The following RABGAP1L variants were observed in gnomAD, a reference collection of about 807,000 sequenced individuals.
RABGAP1L encodes the protein rab GTPase-activating protein 1-like.
Under a neutral mutation model 137.7 loss-of-function variants are expected in RABGAP1L, and 63 were observed. The observed-to-expected ratio is 0.46, with a 90% confidence interval of 0.37 to 0.56. RABGAP1L has a LOEUF of 0.56. Ranked by LOEUF, RABGAP1L falls within the 20% of genes least tolerant of loss-of-function variation. The pLI is 0.00. For synonymous variants in RABGAP1L, 431 were observed against 433.7 expected, an observed-to-expected ratio of 0.99 and a Z score of 0.08; for missense variants, 1,095 against 1,244.0, an observed-to-expected ratio of 0.88 and a Z score of 1.80.
At chr1:174,642,216 A>G (rs1478857930) in intron 14 of RABGAP1L, among the ~76,000 whole-genome samples, 1 of 152,214 alleles carries the variant, frequency 6.6e-6, no homozygotes, top group Admixed American at 6.5e-5. Flanking sequence ...AATATATTAT[A>G]CAGAGATTAA....
At chr1:174,372,698 T>G (rs74128374) in intron 12 of RABGAP1L, among the ~76,000 whole-genome samples, 5,621 of 151,458 alleles carry the variant, frequency 0.037, 140 homozygotes, top group Middle Eastern at 0.089. Flanking sequence ...AGTGTTGTTG[T>G]TTTTTTTTAT....
At chr1:174,305,621 A>G (rs2148772822) in intron 11 of RABGAP1L, among the ~76,000 whole-genome samples, 1 of 152,090 alleles carries the variant, frequency 6.6e-6, no homozygotes, top group South Asian at 2.1e-4. Flanking sequence ...CCTGACCTCA[A>G]GTAATCTGCC....
At chr1:174,176,555 C>T (rs956864514) in intron 1 of RABGAP1L, among the ~76,000 whole-genome samples, 1 of 150,496 alleles carries the variant, frequency 6.6e-6, no homozygotes, top group Non-Finnish European at 1.5e-5. Flanking sequence ...ACCAAAAATA[C>T]AAAAAACTTA....
At chr1:174,241,456 A>G (rs1368444315) in intron 4 of RABGAP1L, 27 bp from the exon 5 acceptor site, 2 of 1,410,180 alleles carry the variant, frequency 1.4e-6, no homozygotes, top group South Asian at 1.6e-5. Flanking sequence ...TTAATATTTT[A>G]TCTAACTTTT....
intron 13 of RABGAP1L, among the ~76,000 whole-genome samples, chr1:174,572,796 A>G: frequency 6.6e-6 from 1 of 152,192 alleles, no homozygotes; most frequent in South Asian, 2.1e-4. Flanking sequence ...AACTTGCTCT[A>G]CTACTTTGGC....
At chr1:174,191,823 A>G (rs1371909145) in intron 1 of RABGAP1L, among the ~76,000 whole-genome samples, 2 of 152,208 alleles carry the variant, frequency 1.3e-5, no homozygotes, top group African/African-American at 2.4e-5. Flanking sequence ...AGACACACTG[A>G]CTCAGGAACA....
chr1:174,982,083 G>A (rs996530524), intron 23 of RABGAP1L, among the ~76,000 whole-genome samples: 1 of 152,108 alleles, frequency 6.6e-6, no homozygotes, highest in African/African-American at 2.4e-5. Context: ...TACTTAATAA[G>A]AGTTTTAGTC....
chr1:174,482,884 T>C (rs1659256962), intron 13 of RABGAP1L, among the ~76,000 whole-genome samples: 1 of 152,178 alleles, frequency 6.6e-6, no homozygotes, highest in African/African-American at 2.4e-5. Flanking sequence ...TGCTACATAG[T>C]AGAAGCTCAA....
chr1:174,801,504 A>G (rs1326698018), intron 18 of RABGAP1L, among the ~76,000 whole-genome samples: 1 of 152,220 alleles, frequency 6.6e-6, no homozygotes, highest in Non-Finnish European at 1.5e-5. Context: ...CTGTACAATC[A>G]TAACAGACAT....
In RABGAP1L at chr1:174,824,161, G is replaced by A. The variant is rs566862693; in HGVS notation, c.2340+12201G>A. 8.5e-5 allele frequency among the ~76,000 whole-genome samples: 13 copies of A among 152,156 alleles called. No homozygotes were observed. The East Asian group carries it at 1.7e-3, about 20-fold the overall frequency. ...AAAACTTAGCCAGGTGTGGTGACAC[G>A]TGCCTGTAATCCCAGCTACTAGGGA... On this transcript the variant is annotated intron_variant, in intron 19 of 25. Transcript: ENST00000681986.
intron 19 of RABGAP1L, chr1:174,935,469 A>G (rs1311188896): frequency 6.6e-6 from 1 of 152,248 alleles, no homozygotes; most frequent in Non-Finnish European, 1.5e-5. Flanking sequence ...GTTCTTATAA[A>G]TAATCCTTTG....
At chr1:174,725,562 T>C (rs1232391985) in intron 17 of RABGAP1L, among the ~76,000 whole-genome samples, 1 of 152,230 alleles carries the variant, frequency 6.6e-6, no homozygotes, top group Non-Finnish European at 1.5e-5. Flanking sequence ...ACTTTACTTT[T>C]TATTTTCATT....
intron 7 of RABGAP1L, among the ~76,000 whole-genome samples, chr1:174,252,983 A>G (rs1672836133): frequency 1.3e-5 from 2 of 152,362 alleles, no homozygotes; most frequent in Admixed American, 1.3e-4. Flanking sequence ...ACATACACAT[A>G]TACTTGTGTG....
rs149890797 is a variant in RABGAP1L at position 174,992,495 on chromosome 1, G to A, written c.*2494G>A. The stretch of plus-strand genomic sequence containing the variant: ...CAAGTTTGATAAGTCCATCTTTTGA[G>A]TTTTCTTTTAGCTCTTTCAAAAGAT... On this transcript the variant is annotated 3_prime_UTR_variant, in exon 26 of 26. Transcript: ENST00000681986. 34 of 151,824 alleles carry A rather than the reference G, an allele frequency of 2.2e-4. No homozygotes were observed. The East Asian group carries it at 6.0e-3, about 27-fold the overall frequency. 9.4% of individuals were successfully genotyped at this position (151,824 alleles called of 1,614,324 possible).
intron 19 of RABGAP1L, among the ~76,000 whole-genome samples, chr1:174,872,097 A>G (rs887104677): frequency 4.6e-5 from 7 of 152,122 alleles, no homozygotes; most frequent in Non-Finnish European, 8.8e-5. Flanking sequence ...ATACCTGTTA[A>G]GCAAGTATTT....
intron 13 of RABGAP1L, among the ~76,000 whole-genome samples, chr1:174,513,718 A>G (rs2147813376): frequency 6.6e-6 from 1 of 152,338 alleles, no homozygotes; most frequent in African/African-American, 2.4e-5. Context: ...ACATGTTTTG[A>G]TTAATGTAAC....
intron 21 of RABGAP1L, among the ~76,000 whole-genome samples, chr1:174,973,178 A>G (rs1670300201): frequency 1.3e-5 from 2 of 152,202 alleles, no homozygotes; most frequent in South Asian, 4.1e-4. Flanking sequence ...TCTTCCCTAT[A>G]GGACCCACAA....
chr1:174,326,971 A>G (rs896106982), intron 11 of RABGAP1L, among the ~76,000 whole-genome samples: 1 of 151,936 alleles, frequency 6.6e-6, no homozygotes, highest in African/African-American at 2.4e-5. Flanking sequence ...CAGTAAAGCT[A>G]TTTTTTTTAA....
intron 14 of RABGAP1L, among the ~76,000 whole-genome samples, chr1:174,673,885 C>T (rs920873665): frequency 6.6e-6 from 1 of 152,054 alleles, no homozygotes; most frequent in Admixed American, 6.6e-5. Flanking sequence ...TTTGCTACCT[C>T]ATTATTTAGC....
Sources: allele counts gnomAD v4.1 joint callset (sites outside exome capture counted in the v4.1 genomes callset), GRCh38; gene constraint gnomAD v4.1.1; transcripts MANE v1.5; gene names NCBI Gene and HGNC (gene_info 2026-07-23, HGNC 2026-07-21).